Variants in MID2 observed in about 807,000 individuals in gnomAD.
MID2 encodes probable E3 ubiquitin-protein ligase MID2.
A neutral mutation model predicts 46.1 loss-of-function variants in MID2; 13 were observed. The ratio of observed to expected loss-of-function variants is 0.28; its 90% CI spans 0.18 to 0.45. MID2 has a LOEUF of 0.45. MID2 is among the 20% of genes least tolerant of loss of function. MID2 has a pLI of 1.00. For synonymous variants in MID2, 199 were observed against 212.3 expected, an observed-to-expected ratio of 0.94 and a Z score of 0.55; for missense variants, 431 against 575.4, an observed-to-expected ratio of 0.75 and a Z score of 2.57.
In MID2 at chrX:107,929,556, CTTAAA is replaced by C. The variant is rs948002035; in HGVS notation, c.*2489_*2493del. Reference sequence around the variant, plus strand: ...CCCAGAGTAAACAACAGAAATTTTTCTTAAATTAAAGGAATAGTGTGAAAATGCTG... The same window carrying C: ...CCCAGAGTAAACAACAGAAATTTTTCTTAAAGGAATAGTGTGAAAATGCTG... On this transcript the variant is annotated 3_prime_UTR_variant, in exon 10 of 10. Transcript: ENST00000262843. Among the ~76,000 whole-genome samples the C allele has an allele frequency of 8.9e-6, 1 of 112,007 alleles. No homozygotes were observed. The highest frequency in any genetic ancestry group is 3.2e-5 in the African/African-American group (1 of 30,880).
At chrX:107,861,598 C>T (rs995761596) in intron 3 of MID2, among the ~76,000 whole-genome samples, 60 of 111,714 alleles carry the variant, frequency 5.4e-4, no homozygotes, top group African/African-American at 1.4e-3. Flanking sequence ...CCAGCCTGGA[C>T]GACAAGAGGG....
rs771806521 is a variant in MID2 at position 107,916,255 on chromosome X, G to T, written c.1201+126G>T. On this transcript the variant is annotated intron_variant, in intron 6 of 9. Transcript: ENST00000262843. ...TTTTATAATCTTTAAAATGATGCAT[G>T]TGTCTTTTCAGACAGAATATATTTT... 1.1e-4 allele frequency: 55 copies of T among 519,542 alleles called. No individual in the cohort carries two copies. The Middle Eastern group carries it at 2.0e-3, about 19-fold the overall frequency. 42.8% of individuals were successfully genotyped at this position (519,542 alleles called of 1,213,427 possible).
chrX:107,926,328 T>C lies in MID2; in HGVS notation c.1805+27T>C, dbSNP rs1303545017. 16 of 1,117,967 alleles carry C rather than the reference T, an allele frequency of 1.4e-5. No individual in the cohort carries two copies. The South Asian group carries it at 1.7e-4, about 12-fold the overall frequency. The allele number at this position is 1,117,967 out of a possible 1,213,427, so 92.1% of individuals were successfully genotyped here. ...TGAGTGGATCCCATTTTCCTTTTCT[T>C]TTCTGTCCTCTGTCATTAGGTTCCT... is the stretch of plus-strand genomic sequence containing the variant. On this transcript the variant is annotated intron_variant, in intron 9 of 9. Coordinates refer to ENST00000262843, the MANE Select transcript of MID2 (RefSeq NM_012216.4).
At chrX:107,867,078 G>A (rs1602473437) in intron 3 of MID2, among the ~76,000 whole-genome samples, 1 of 112,593 alleles carries the variant, frequency 8.9e-6, no homozygotes, top group East Asian at 2.8e-4. Flanking sequence ...TTTATTCTAA[G>A]GTCAAAGGGA....
chrX:107,845,915 G>A (rs1931462733), intron 2 of MID2, among the ~76,000 whole-genome samples: 1 of 111,994 alleles, frequency 8.9e-6, no homozygotes, highest in Non-Finnish European at 1.9e-5. Context: ...ATATTTATGA[G>A]AGACTAGGTT....
intron 3 of MID2, among the ~76,000 whole-genome samples, chrX:107,879,533 C>T (rs746883488): frequency 2.9e-4 from 33 of 112,061 alleles, no homozygotes; most frequent in African/African-American, 1.1e-3. Flanking sequence ...GCTGGCGGAG[C>T]CTAGGTTTTT....
Position 107,928,044 on chromosome X carries a change from CTA to C in MID2, c.*973_*974del, listed in dbSNP as rs1933216523. 9.0e-6 allele frequency among the ~76,000 whole-genome samples: 1 copy of C among 110,674 alleles called. No individual in the cohort carries two copies. The highest frequency in any genetic ancestry group is 3.3e-5 in the African/African-American group (1 of 30,425). On this transcript the variant is annotated 3_prime_UTR_variant, in exon 10 of 10. Transcript: ENST00000262843. ...GAATTGTTAAAAATTCTGTCATAGA[CTA>C]TTAAAAAAAAAGTTTTACTACTCCC...
chrX:107,925,762 A>C (rs1337811308), intron 8 of MID2, among the ~76,000 whole-genome samples: 2 of 111,419 alleles, frequency 1.8e-5, no homozygotes, highest in African/African-American at 6.5e-5. Context: ...ATAATATATG[A>C]TGTGGGGGAC....
rs1362698238 is a variant in MID2 at position 107,899,393 on chromosome X, G to T, written c.817-4565G>T. Among the ~76,000 whole-genome samples, 3 of 110,839 alleles carry T rather than the reference G, an allele frequency of 2.7e-5. No homozygotes were observed. The Admixed American group carries it at 2.9e-4, about 11-fold the overall frequency. Reference sequence around the variant, plus strand: ...CAGTGGTAAAGTCCTTCCATCAGGGGCCTTATGTGTTTGTATTAAGAATAG... The same window carrying T: ...CAGTGGTAAAGTCCTTCCATCAGGGTCCTTATGTGTTTGTATTAAGAATAG... On this transcript the variant is annotated intron_variant, in intron 3 of 9. Transcript: ENST00000262843.
rs367963347 is a variant in MID2 at position 107,872,214 on chromosome X, CCTGA to C, written c.816+17514_816+17517del. 8.2e-3 allele frequency among the ~76,000 whole-genome samples: 918 copies of C among 111,996 alleles called. 8 individuals are homozygous for C. Among genetic ancestry groups the C allele is most frequent in the African/African-American group, 0.028 (859 of 30,805 alleles). ...GAGCCATTGTCTGAGGTTCTGGTTG[CCTGA>C]CTGTTTGGAGTTTGATGGCCTCTAG... is the stretch of plus-strand genomic sequence containing the variant. On this transcript the variant is annotated intron_variant, in intron 3 of 9. Coordinates refer to ENST00000262843, the MANE Select transcript of MID2 (RefSeq NM_012216.4).
intron 3 of MID2, among the ~76,000 whole-genome samples, chrX:107,883,288 C>G (rs745931526): frequency 9.0e-6 from 1 of 110,809 alleles, no homozygotes; most frequent in Non-Finnish European, 1.9e-5. Flanking sequence ...CACCATGGCA[C>G]GTGTATACCT....
chrX:107,886,498 C>T (rs1163021645), intron 3 of MID2, among the ~76,000 whole-genome samples: 1 of 111,977 alleles, frequency 8.9e-6, no homozygotes, highest in East Asian at 2.8e-4. Context: ...GTTTTGGTAC[C>T]AGTACCATGC....
chrX:107,845,427 C>T (rs1931437577), intron 2 of MID2, among the ~76,000 whole-genome samples: 1 of 109,135 alleles, frequency 9.2e-6, no homozygotes, highest in Non-Finnish European at 1.9e-5. Flanking sequence ...GTTACATTTA[C>T]ATATCAGGGA....
chrX:107,860,210 C>A (rs1365937407), intron 3 of MID2, among the ~76,000 whole-genome samples: 1 of 111,134 alleles, frequency 9.0e-6, no homozygotes, highest in Non-Finnish European at 1.9e-5. Flanking sequence ...GGAGGTGGAT[C>A]AGTATTAATT....
At position 107,852,908 on chromosome X, in the gene MID2, G is replaced by A. The variant is rs939121491; in HGVS notation, c.721-1701G>A. Among the ~76,000 whole-genome samples the A allele has an allele frequency of 3.6e-5, 4 of 111,598 alleles. No homozygotes were observed. The South Asian group carries it at 1.1e-3, about 32-fold the overall frequency. ...ACATAGGAACAATGGAGATAGCAGC[G>A]TAGCACTTAACATGACTGAGGGAAG... On this transcript the variant is annotated intron_variant, in intron 2 of 9. Coordinates refer to ENST00000262843, the MANE Select transcript of MID2 (RefSeq NM_012216.4).
At chrX:107,882,474 T>C (rs1239405186) in intron 3 of MID2, among the ~76,000 whole-genome samples, 1 of 111,372 alleles carries the variant, frequency 9.0e-6, no homozygotes, top group African/African-American at 3.3e-5. Context: ...AGGGCTAGTA[T>C]CCAGAATCTA....
intron 5 of MID2, among the ~76,000 whole-genome samples, chrX:107,908,700 A>G (rs1234269768): frequency 2.8e-5 from 3 of 106,397 alleles, no homozygotes; most frequent in Non-Finnish European, 5.8e-5. Context: ...TCCATCTAAA[A>G]AAAAAAAAAA....
chrX:107,853,334 C>G (rs1392759282), intron 2 of MID2, among the ~76,000 whole-genome samples: 1 of 111,380 alleles, frequency 9.0e-6, no homozygotes, highest in Non-Finnish European at 1.9e-5. Flanking sequence ...GGGTCTCACT[C>G]TGTCACCCAG....
intron 5 of MID2, among the ~76,000 whole-genome samples, chrX:107,905,914 G>T (rs924726296): frequency 8.9e-6 from 1 of 111,850 alleles, no homozygotes; most frequent in Non-Finnish European, 1.9e-5. Context: ...TGGTATAAGG[G>T]TAGAGAAACT....
Sources: allele counts gnomAD v4.1 joint callset (sites outside exome capture counted in the v4.1 genomes callset), GRCh38; gene constraint gnomAD v4.1.1; transcripts MANE v1.5; gene names NCBI Gene and HGNC (gene_info 2026-07-23, HGNC 2026-07-21).